DKK3: variants seen among roughly 807,000 people sequenced by gnomAD.
The protein encoded by DKK3 is dickkopf-related protein 3.
In DKK3, 22 loss-of-function variants were observed where a neutral mutation model predicts 33.2. The observed-to-expected ratio is 0.66, with a 90% CI of 0.47 to 0.95. The LOEUF is 0.95. Ranked by LOEUF, DKK3 falls within the 40% of genes least tolerant of loss-of-function variation. The pLI is 0.00. For synonymous variants in DKK3, 194 were observed against 188.8 expected (o/e 1.03, Z -0.23); for missense variants, 398 against 458.4 (o/e 0.87, Z 1.20).
At chr11:11,971,100 C>T (rs1847716351) in intron 3 of DKK3, among the ~76,000 whole-genome samples, 1 of 151,364 alleles carries the variant, frequency 6.6e-6, no homozygotes, top group African/African-American at 2.4e-5. Context: ...GTCCTTTGAC[C>T]CAATCATTTC....
chr11:11,980,737 G>C (rs1430459508), intron 3 of DKK3, among the ~76,000 whole-genome samples: 1 of 152,142 alleles, frequency 6.6e-6, no homozygotes, highest in Non-Finnish European at 1.5e-5. Flanking sequence ...GTGATGAAGA[G>C]AGGAATAGTT....
chr11:12,006,530 C>A (rs1406097277), intron 1 of DKK3, among the ~76,000 whole-genome samples: 1 of 151,740 alleles, frequency 6.6e-6, no homozygotes, highest in African/African-American at 2.4e-5. Flanking sequence ...AGCGAGGACA[C>A]CTCTGGGAAA....
intron 3 of DKK3, among the ~76,000 whole-genome samples, chr11:11,985,185 T>C (rs566724646): frequency 5.9e-5 from 9 of 152,254 alleles, no homozygotes; most frequent in Admixed American, 5.9e-4. Flanking sequence ...GAGCCGCCCA[T>C]CCTCATAATG....
At position 11,967,060 on chromosome 11, in the gene DKK3, C is replaced by T. The variant is rs1260323069; in HGVS notation, c.567G>A (p.Leu189=). 6.2e-7 allele frequency: 1 copy of T among 1,613,966 alleles called. No individual in the cohort carries two copies. The highest frequency in any genetic ancestry group is 1.1e-5 in the South Asian group (1 of 91,070). ...TRDSECCGDQ[L]CVWGHCTKMA... is the part of the protein sequence containing the mutation. ...TTTTGGTGCAGTGACCCCAGACACA[C>T]AGCTGGTCTCCACAGCACTCACTGT... The change falls in exon 5 of 7, where the codon CTG becomes CTA. Residue 189 remains leucine (L), a synonymous_variant. Coordinates refer to ENST00000683431, the MANE Select transcript of DKK3 (RefSeq NM_001018057.2).
At chr11:12,006,932 T>A (rs1848548761) in intron 1 of DKK3, among the ~76,000 whole-genome samples, 1 of 152,150 alleles carries the variant, frequency 6.6e-6, no homozygotes, top group Admixed American at 6.5e-5. Context: ...CATCGCAAAC[T>A]CCACTTAATT....
chr11:11,990,091 G>A (rs1439386177), intron 3 of DKK3, among the ~76,000 whole-genome samples: 1 of 152,170 alleles, frequency 6.6e-6, no homozygotes, highest in African/African-American at 2.4e-5. Context: ...AAGAAGGACA[G>A]GGCCACAAAT....
intron 2 of DKK3, among the ~76,000 whole-genome samples, chr11:12,000,403 C>T (rs1407064951): frequency 6.6e-6 from 1 of 152,076 alleles, no homozygotes; most frequent in Non-Finnish European, 1.5e-5. Context: ...GACGGGGTTT[C>T]GCCATGTTGG....
intron 5 of DKK3, 71 bp downstream of exon 5, chr11:11,966,883 T>C (rs2134988787): frequency 3.2e-6 from 5 of 1,575,494 alleles, no homozygotes; most frequent in Non-Finnish European, 4.3e-6. Flanking sequence ...GGCATGGACG[T>C]GGCTCCAGGA....
chr11:11,968,500 A>G lies in DKK3; in HGVS notation c.436-13T>C. ...CGATGATGCACTCCTGGGGAAGGGC[A>G]CAGGGAGCAGATGTGTCAATGGAGA... On this transcript the variant is annotated splice_polypyrimidine_tract_variant and intron_variant, in intron 3 of 6. Transcript: ENST00000683431. The G allele has an allele frequency of 2.5e-6, 4 of 1,611,884 alleles. No homozygotes were observed. The highest frequency in any genetic ancestry group is 3.4e-6 in the Non-Finnish European group (4 of 1,178,790).
intron 3 of DKK3, among the ~76,000 whole-genome samples, chr11:11,972,717 T>G (rs1266172005): frequency 3.3e-5 from 5 of 151,566 alleles, no homozygotes; most frequent in Non-Finnish European, 3.0e-5. Context: ...GAAATCCAGG[T>G]TTTTTTCTTT....
intron 1 of DKK3, among the ~76,000 whole-genome samples, chr11:12,005,961 CAG>C (rs1848528326): frequency 6.6e-6 from 1 of 152,108 alleles, no homozygotes; most frequent in Non-Finnish European, 1.5e-5. Context: ...GAGAATCTAT[CAG>C]ACACTGGTGG....
At position 12,008,301 on chromosome 11, in the gene DKK3, T is replaced by A; in HGVS notation, c.213+69A>T. On this transcript the variant is annotated intron_variant, in intron 1 of 6. Coordinates refer to ENST00000683431, the MANE Select transcript of DKK3 (RefSeq NM_001018057.2). The surrounding 1 kb of genome is among the most constrained non-coding windows in gnomAD (Gnocchi z 4.6). ...GAGGTCCCTGGCCAGCGCTCTTCCATGCCTTCCCAGACTTCGCTGCCCCCA... is the reference window on the plus strand; with the variant it reads ...GAGGTCCCTGGCCAGCGCTCTTCCAAGCCTTCCCAGACTTCGCTGCCCCCA... 6.6e-7 allele frequency: 1 copy of A among 1,520,630 alleles called. No individual in the cohort carries two copies. The allele number at this position is 1,520,630 out of a possible 1,614,324, so 94.2% of individuals were successfully genotyped here. A position where few individuals can be genotyped will look rare whatever the true frequency, so the allele number is the denominator to read the frequency against.
chr11:11,983,670 C>A (rs1848004407), intron 3 of DKK3, among the ~76,000 whole-genome samples: 1 of 152,238 alleles, frequency 6.6e-6, no homozygotes, highest in Non-Finnish European at 1.5e-5. Context: ...GAAGATCAGC[C>A]TTGGCTGCAG....
At chr11:11,986,931 A>AT (rs1848082459) in intron 3 of DKK3, among the ~76,000 whole-genome samples, 1 of 152,218 alleles carries the variant, frequency 6.6e-6, no homozygotes, top group East Asian at 1.9e-4. Context: ...ACAGAGGTTC[A>AT]TTTTTTAAAC....
chr11:11,998,699 G>A lies in DKK3; in HGVS notation c.432C>T (p.Ser144=). Residue 144 remains serine (S), a synonymous_variant, in exon 3 of 7, where the codon AGC becomes AGT. Coordinates refer to ENST00000683431, the MANE Select transcript of DKK3 (RefSeq NM_001018057.2). ...TACAGGGGAAATGACAACTTACGTG[G>A]CTCCTTCTGCCTTCTTCGTCTCCCA... ...TSVGDEEGRR[S]HECIIDEDCG... 1 of 1,613,602 alleles carries A rather than the reference G, an allele frequency of 6.2e-7. No homozygotes were observed. The highest frequency in any genetic ancestry group is 1.1e-5 in the South Asian group (1 of 91,074).
At chr11:11,965,780 C>A in intron 6 of DKK3, 29 bp downstream of exon 6, 1 of 1,609,910 alleles carries the variant, frequency 6.2e-7, no homozygotes, top group African/African-American at 1.3e-5. Flanking sequence ...GCCCTTGGCT[C>A]CCTGAGAGTG....
intron 2 of DKK3, among the ~76,000 whole-genome samples, chr11:11,999,672 AGATGCT>A (rs1848382582): frequency 6.6e-6 from 1 of 152,172 alleles, no homozygotes; most frequent in Non-Finnish European, 1.5e-5. Context: ...AGAAAAGAAA[AGATGCT>A]GGCTCAGGAG....
At chr11:11,970,990 T>C (rs566002665) in intron 3 of DKK3, among the ~76,000 whole-genome samples, 3 of 152,110 alleles carry the variant, frequency 2.0e-5, no homozygotes, top group East Asian at 1.9e-4. Flanking sequence ...TTTCAGGAAA[T>C]AGGCATTGCC....
chr11:12,006,661 C>T (rs867567147), intron 1 of DKK3, among the ~76,000 whole-genome samples: 8 of 152,210 alleles, frequency 5.3e-5, no homozygotes, highest in African/African-American at 1.2e-4. Flanking sequence ...GTCTGGATAA[C>T]GCCCATGGAG....
Sources: gnomAD v4.1 joint callset for allele counts (sites outside exome capture counted in the v4.1 genomes callset) on GRCh38, gnomAD v4.1.1 for gene constraint, Gnocchi (gnomAD v3.1) non-coding constraint, MANE v1.5 for transcripts, NCBI Gene and HGNC (gene_info 2026-07-23, HGNC 2026-07-21) for gene names.